Variants in GALNT13 observed in about 807,000 individuals in gnomAD.
GALNT13 encodes UDP-GalNAc:polypeptide N-acetylgalactosaminyltransferase 13.
GALNT13 carries 28 observed loss-of-function variants against 64.2 expected under a neutral mutation model. The observed-to-expected ratio is 0.44, with a 90% confidence interval of 0.32 to 0.60. The LOEUF is 0.60. Among genes scored for constraint, GALNT13 ranks in the 20% least tolerant of loss-of-function variants. GALNT13 has a pLI of 0.05. For synonymous variants in GALNT13, 214 were observed against 224.6 expected (o/e 0.95, Z 0.42); for missense variants, 577 against 669.8 (o/e 0.86, Z 1.53).
At chr2:154,139,070 A>G (rs986222685) in intron 3 of GALNT13, among the ~76,000 whole-genome samples, 2 of 151,972 alleles carry the variant, frequency 1.3e-5, no homozygotes, top group South Asian at 4.1e-4. Context: ...TTCAAGGCCA[A>G]TCACTTTTTT....
chr2:153,125,444 A>G, the GALNT13 span, among the ~76,000 whole-genome samples: 1 of 152,336 alleles, frequency 6.6e-6, no homozygotes, highest in Non-Finnish European at 1.5e-5. Context: ...TGATTCTGCA[A>G]ATGACAGTCC....
the GALNT13 span, among the ~76,000 whole-genome samples, chr2:153,429,421 T>G: frequency 6.6e-6 from 1 of 152,194 alleles, no homozygotes; most frequent in African/African-American, 2.4e-5. Flanking sequence ...TAATTAACTT[T>G]AAAGAATTTT....
intron 3 of GALNT13, among the ~76,000 whole-genome samples, chr2:154,056,155 A>T (rs545072197): frequency 6.6e-6 from 1 of 152,184 alleles, no homozygotes; most frequent in African/African-American, 2.4e-5. Context: ...AAAGGAAAAA[A>T]CTCAGAAAGT....
At chr2:153,454,355 C>T in the GALNT13 span, among the ~76,000 whole-genome samples, 1 of 152,142 alleles carries the variant, frequency 6.6e-6, no homozygotes, top group Non-Finnish European at 1.5e-5. Flanking sequence ...AATTTCTAGA[C>T]CTGGCTAGTA....
At chr2:153,595,883 GA>G in the GALNT13 span, among the ~76,000 whole-genome samples, 1 of 152,114 alleles carries the variant, frequency 6.6e-6, no homozygotes, top group African/African-American at 2.4e-5. Flanking sequence ...AATATATTTA[GA>G]CATGCAACTA....
the GALNT13 span, among the ~76,000 whole-genome samples, chr2:153,444,024 T>C: frequency 6.6e-6 from 1 of 152,222 alleles, no homozygotes; most frequent in Non-Finnish European, 1.5e-5. Context: ...ATAATTTATC[T>C]TGACAGTGCT....
At chr2:154,362,513 T>A (rs1697133137) in intron 9 of GALNT13, among the ~76,000 whole-genome samples, 1 of 151,964 alleles carries the variant, frequency 6.6e-6, no homozygotes. Flanking sequence ...AGAGACCATG[T>A]GTAGAGAGGT....
At chr2:153,187,248 C>CT in the GALNT13 span, among the ~76,000 whole-genome samples, 1 of 152,292 alleles carries the variant, frequency 6.6e-6, no homozygotes, top group East Asian at 1.9e-4. Flanking sequence ...AGCCATGCCA[C>CT]TTTTTTCTGA....
intron 3 of GALNT13, among the ~76,000 whole-genome samples, chr2:154,050,494 T>C (rs1456130168): frequency 6.6e-6 from 1 of 152,208 alleles, no homozygotes; most frequent in Admixed American, 6.5e-5. Flanking sequence ...CGTTGATAGC[T>C]TGATAAAGAC....
At chr2:153,316,451 G>A in the GALNT13 span, among the ~76,000 whole-genome samples, 2 of 148,142 alleles carry the variant, frequency 1.4e-5, no homozygotes, top group Admixed American at 1.3e-4. Context: ...GACCATCCTG[G>A]CCAACATGAA....
intron 4 of GALNT13, among the ~76,000 whole-genome samples, chr2:154,158,934 C>T (rs1684578203): frequency 6.6e-6 from 1 of 151,960 alleles, no homozygotes; most frequent in South Asian, 2.1e-4. Context: ...AAAATTACTC[C>T]AACCCGTGAC....
intron 1 of GALNT13, among the ~76,000 whole-genome samples, chr2:153,884,772 T>TAC (rs149046754): frequency 0.088 from 10,213 of 115,490 alleles, 557 homozygotes; most frequent in Middle Eastern, 0.16. Context: ...TACGAATATA[T>TAC]ATATATATAT....
chr2:153,624,531 G>A, the GALNT13 span, among the ~76,000 whole-genome samples: 2 of 152,110 alleles, frequency 1.3e-5, no homozygotes, highest in African/African-American at 4.8e-5. Context: ...GTCCCAGACA[G>A]CACCTTCACA....
At chr2:154,131,057 T>C (rs1682585106) in intron 3 of GALNT13, among the ~76,000 whole-genome samples, 2 of 152,166 alleles carry the variant, frequency 1.3e-5, no homozygotes, top group South Asian at 4.1e-4. Flanking sequence ...ACTAAGGCCA[T>C]TACTGGAGCC....
intron 2 of GALNT13, among the ~76,000 whole-genome samples, chr2:153,922,189 T>C (rs895101866): frequency 8.5e-5 from 13 of 152,168 alleles, no homozygotes; most frequent in African/African-American, 3.1e-4. Flanking sequence ...GTACTGATTA[T>C]GGTTTTTTGC....
At chr2:153,824,064 G>A in the GALNT13 span, among the ~76,000 whole-genome samples, 1 of 152,126 alleles carries the variant, frequency 6.6e-6, no homozygotes, top group Non-Finnish European at 1.5e-5. Context: ...AAACCACAAT[G>A]AGACATTATC....
chr2:154,277,161 T>G (rs2105932845), intron 8 of GALNT13, among the ~76,000 whole-genome samples: 1 of 152,296 alleles, frequency 6.6e-6, no homozygotes, highest in East Asian at 1.9e-4. Context: ...TACATGTGTA[T>G]CTTATAAAAC....
chr2:153,528,019 A>AG, the GALNT13 span, among the ~76,000 whole-genome samples: 15 of 152,100 alleles, frequency 9.9e-5, no homozygotes, highest in African/African-American at 3.4e-4. Context: ...GCAAGAAGGG[A>AG]GGGGGGACCA....
chr2:154,118,887 A>G (rs924546111), intron 3 of GALNT13, among the ~76,000 whole-genome samples: 1 of 152,034 alleles, frequency 6.6e-6, no homozygotes, highest in African/African-American at 2.4e-5. Flanking sequence ...AATTGGTAAC[A>G]TTTTTATTAT....
Sources: gnomAD v4.1 joint callset for allele counts (sites outside exome capture counted in the v4.1 genomes callset) on GRCh38, gnomAD v4.1.1 for gene constraint, MANE v1.5 for transcripts, NCBI Gene and HGNC (gene_info 2026-07-23, HGNC 2026-07-21) for gene names.